Variants in IKZF2 observed in about 807,000 individuals in gnomAD.
The protein encoded by IKZF2 is IKAROS family zinc finger 2, also known as zinc finger protein Helios.
IKZF2 carries 15 observed loss-of-function variants against 49.2 expected under a neutral mutation model. The observed-to-expected ratio is 0.30, with a 90% CI of 0.20 to 0.47. The LOEUF is 0.47. IKZF2 is among the 20% of genes least tolerant of loss of function. The pLI is 1.00. For synonymous variants in IKZF2, 227 were observed against 221.4 expected, an observed-to-expected ratio of 1.03 and a Z score of -0.23; for missense variants, 567 against 664.6, an observed-to-expected ratio of 0.85 and a Z score of 1.61.
At chr2:213,126,949 C>T (rs1270582692) in intron 4 of IKZF2, among the ~76,000 whole-genome samples, 2 of 152,146 alleles carry the variant, frequency 1.3e-5, no homozygotes, top group African/African-American at 4.8e-5. Flanking sequence ...TAATTATAAA[C>T]CTATCACAGC....
intron 7 of IKZF2, 87 bp downstream of exon 7, chr2:213,021,906 G>A (rs1697261334): frequency 2.9e-6 from 4 of 1,382,612 alleles, no homozygotes; most frequent in Middle Eastern, 1.9e-4. Context: ...ATCTAAAATA[G>A]TTTTAAACAG....
At chr2:213,088,229 T>A (rs1191105528) in intron 4 of IKZF2, among the ~76,000 whole-genome samples, 2 of 152,192 alleles carry the variant, frequency 1.3e-5, no homozygotes, top group African/African-American at 4.8e-5. Context: ...CTCATTGTGG[T>A]TTTGATTTGC....
intron 4 of IKZF2, among the ~76,000 whole-genome samples, chr2:213,082,717 A>G (rs568130661): frequency 6.6e-6 from 1 of 152,314 alleles, no homozygotes; most frequent in Admixed American, 6.5e-5. Flanking sequence ...TCTTCTTCAA[A>G]GTTTGGTGAG....
intron 4 of IKZF2, among the ~76,000 whole-genome samples, chr2:213,144,074 G>A (rs751063189): frequency 1.3e-5 from 2 of 151,732 alleles, no homozygotes; most frequent in African/African-American, 4.8e-5. Flanking sequence ...CTTCTGCTTC[G>A]CTAGGTTCTA....
intron 6 of IKZF2, 85 bp downstream of exon 6, chr2:213,049,628 A>G (rs1700494705): frequency 9.5e-7 from 1 of 1,053,456 alleles, no homozygotes; most frequent in Middle Eastern, 2.5e-4. Flanking sequence ...CCGACTACAT[A>G]ACAAAGCCAT....
intron 4 of IKZF2, among the ~76,000 whole-genome samples, chr2:213,138,193 C>G (rs1361274176): frequency 6.6e-6 from 1 of 151,958 alleles, no homozygotes; most frequent in East Asian, 1.9e-4. Flanking sequence ...AATCTGTAAC[C>G]TTAAATGTGC....
chr2:213,014,077 A>T, intron 7 of IKZF2, 143 bp from the exon 8 acceptor site: 1 of 652,550 alleles, frequency 1.5e-6, no homozygotes, highest in South Asian at 2.1e-5. Context: ...CTCTAGTGTG[A>T]AAGTATACTC....
intron 4 of IKZF2, chr2:213,081,082 G>T (rs974169627): frequency 3.9e-5 from 6 of 154,734 alleles, no homozygotes; most frequent in African/African-American, 1.4e-4. Context: ...AAGGCCTAGA[G>T]TCTAGGAAGA....
At chr2:213,122,954 A>G (rs2060106542) in intron 4 of IKZF2, among the ~76,000 whole-genome samples, 1 of 152,250 alleles carries the variant, frequency 6.6e-6, no homozygotes, top group Admixed American at 6.5e-5. Context: ...TAGATTGCTA[A>G]GGTGCACATA....
rs528935062 is a variant in IKZF2 at position 213,079,972 on chromosome 2, C to T, written c.140-22873G>A. 1.7e-4 allele frequency among the ~76,000 whole-genome samples: 26 copies of T among 152,242 alleles called. 1 individual carries two copies. The highest frequency in any genetic ancestry group is 5.5e-4 in the African/African-American group (23 of 41,548). ...ACCCTGCCAAAAGCTTTTTAGGAAA[C>T]CAATTACCTAATCTGATAAACTGCT... is the stretch of plus-strand genomic sequence containing the variant. On this transcript the variant is annotated intron_variant, in intron 4 of 8. Coordinates refer to ENST00000434687, the MANE Select transcript of IKZF2 (RefSeq NM_001387220.1).
intron 4 of IKZF2, among the ~76,000 whole-genome samples, chr2:213,136,269 A>G (rs1356435435): frequency 2.0e-4 from 27 of 135,254 alleles, no homozygotes; most frequent in East Asian, 7.3e-4. Context: ...TACTCGGGAG[A>G]CTGAGGCAGG....
intron 4 of IKZF2, among the ~76,000 whole-genome samples, chr2:213,095,737 T>C (rs1037121724): frequency 6.6e-6 from 1 of 152,078 alleles, no homozygotes; most frequent in Non-Finnish European, 1.5e-5. Flanking sequence ...TTTCAGTTCA[T>C]GCTAAGAAGC....
chr2:213,097,944 T>C (rs1382221779), intron 4 of IKZF2: 1 of 303,730 alleles, frequency 3.3e-6, no homozygotes, highest in Non-Finnish European at 6.7e-6. Flanking sequence ...TCTAATTCTA[T>C]ATTTTTGAAA....
chr2:213,125,266 A>T (rs2060218945), intron 4 of IKZF2, among the ~76,000 whole-genome samples: 1 of 152,198 alleles, frequency 6.6e-6, no homozygotes, highest in Admixed American at 6.5e-5. Flanking sequence ...TCAAATCATG[A>T]ATCACGAATA....
intron 5 of IKZF2, among the ~76,000 whole-genome samples, chr2:213,055,438 G>A (rs1034501063): frequency 6.7e-6 from 1 of 149,814 alleles, no homozygotes; most frequent in Non-Finnish European, 1.5e-5. Context: ...TTAAAACATC[G>A]TGCTGTTTAA....
chr2:213,124,428 C>A (rs2060188903), intron 4 of IKZF2, among the ~76,000 whole-genome samples: 1 of 152,162 alleles, frequency 6.6e-6, no homozygotes, highest in Non-Finnish European at 1.5e-5. Flanking sequence ...AGGTACAAGC[C>A]TTCTGCCTAG....
At chr2:213,053,523 C>T in intron 5 of IKZF2, among the ~76,000 whole-genome samples, 1 of 152,034 alleles carries the variant, frequency 6.6e-6, no homozygotes, top group East Asian at 1.9e-4. Flanking sequence ...GTGGAACAAC[C>T]TACAAATATG....
At chr2:213,099,224 A>G (rs1017527840) in intron 4 of IKZF2, among the ~76,000 whole-genome samples, 1 of 152,120 alleles carries the variant, frequency 6.6e-6, no homozygotes, top group Admixed American at 6.6e-5. Context: ...CCTTTCTTTT[A>G]TAAAGATAAC....
At chr2:213,048,506 T>C (rs1289750193) in intron 6 of IKZF2, among the ~76,000 whole-genome samples, 1 of 152,080 alleles carries the variant, frequency 6.6e-6, no homozygotes. Context: ...TAGAAGTATA[T>C]TTCAATAAAG....
Sources: gnomAD v4.1 joint callset for allele counts (sites outside exome capture counted in the v4.1 genomes callset) on GRCh38, gnomAD v4.1.1 for gene constraint, MANE v1.5 for transcripts, NCBI Gene and HGNC (gene_info 2026-07-23, HGNC 2026-07-21) for gene names.